Variants in SV2B observed in about 807,000 individuals in gnomAD.
The protein encoded by SV2B is synaptic vesicle glycoprotein 2B.
In SV2B, 41 loss-of-function variants were observed where a neutral mutation model predicts 73.9. The observed-to-expected ratio is 0.56, with a 90% confidence interval of 0.43 to 0.72. SV2B has a LOEUF of 0.72. Among genes scored for constraint, SV2B ranks in the 30% least tolerant of loss-of-function variants. SV2B has a pLI of 0.00. For missense variants in SV2B, 764 were observed against 857.8 expected (o/e 0.89, Z 1.37); for synonymous variants, 314 against 314.2 (o/e 1.00, Z 0.01).
Position 91,232,141 on chromosome 15 carries a change from G to A in SV2B, c.451+5427G>A, listed in dbSNP as rs2046600722. Among the ~76,000 whole-genome samples the A allele has an allele frequency of 2.0e-5, 3 of 152,166 alleles. No individual in the cohort carries two copies. In the South Asian group the frequency reaches 6.2e-4, roughly 32 times the overall value. ...GAGCCACTCTGTGTCTCAGAAGGGG[G>A]TGGCATGGAGGGGGGTCACTTCTGT... On this transcript the variant is annotated intron_variant, in intron 2 of 12. Coordinates refer to ENST00000394232, the MANE Select transcript of SV2B (RefSeq NM_001323032.3). This position sits in a 1 kb window ranked among gnomAD's most constrained non-coding sequence, Gnocchi z 4.7.
Position 91,226,168 on chromosome 15 carries a change from T to C in SV2B, c.-96T>C, listed in dbSNP as rs1395163829. The stretch of plus-strand genomic sequence containing the variant: ...ACATGAACATATTTCACATTTGAAC[T>C]ACATAATGAATGATGGTTATTGAAA... On this transcript the variant is annotated 5_prime_UTR_variant, in exon 2 of 13. Transcript: ENST00000394232. 1.7e-6 allele frequency: 2 copies of C among 1,194,182 alleles called. No individual in the cohort carries two copies. Among genetic ancestry groups the C allele is most frequent in the Non-Finnish European group, 2.4e-6 (2 of 839,022 alleles). 74.0% of individuals were successfully genotyped at this position (1,194,182 alleles called of 1,614,324 possible). A position where few individuals can be genotyped will look rare whatever the true frequency, so the allele number is the denominator to read the frequency against.
At chr15:91,221,705 A>G (rs1223634679) in intron 1 of SV2B, among the ~76,000 whole-genome samples, 4 of 126,982 alleles carry the variant, frequency 3.2e-5, no homozygotes, top group South Asian at 2.4e-4. Flanking sequence ...ACACACACAC[A>G]CACACACACA....
Position 91,223,294 on chromosome 15 carries a change from A to G in SV2B, c.-391-2579A>G, listed in dbSNP as rs2046274733. Among the ~76,000 whole-genome samples the G allele has an allele frequency of 1.3e-5, 2 of 152,314 alleles. No homozygotes were observed. The highest frequency in any genetic ancestry group is 2.1e-4 in the South Asian group (1 of 4,826). ...TTCAACATACCTTCACGCTATAGGG[A>G]CACAATTCAGCCAGTACCATTGAAA... On this transcript the variant is annotated intron_variant, in intron 1 of 12. Coordinates refer to ENST00000394232, the MANE Select transcript of SV2B (RefSeq NM_001323032.3). This position sits in a 1 kb window ranked among gnomAD's most constrained non-coding sequence, Gnocchi z 4.6.
chr15:91,202,868 G>A (rs1213838535), intron 1 of SV2B, among the ~76,000 whole-genome samples: 4 of 152,094 alleles, frequency 2.6e-5, no homozygotes, highest in Admixed American at 6.5e-5. Context: ...CTGGGAAGAG[G>A]TGTGATCTTG....
Position 91,302,248 on chromosome 15 carries a change from G to C in SV2B, c.*9696G>C, listed in dbSNP as rs1423480359. Among the ~76,000 whole-genome samples, 1 of 152,146 alleles carries C rather than the reference G, an allele frequency of 6.6e-6. No homozygotes were observed. Among genetic ancestry groups the C allele is most frequent in the Admixed American group, 6.5e-5 (1 of 15,276 alleles). ...CAAGTGAAGTGTCATATGTAAAAGA[G>C]TTAATTCTCAGATTGATTCAAATGC... is the stretch of plus-strand genomic sequence containing the variant. On this transcript the variant is annotated 3_prime_UTR_variant, in exon 13 of 13. Coordinates refer to ENST00000394232, the MANE Select transcript of SV2B (RefSeq NM_001323032.3).
At chr15:91,246,345 GC>G (rs1299363537) in intron 2 of SV2B, among the ~76,000 whole-genome samples, 1 of 151,944 alleles carries the variant, frequency 6.6e-6, no homozygotes, top group East Asian at 1.9e-4. Context: ...ACAATTTTAA[GC>G]TGTACTGCTA....
At position 91,231,072 on chromosome 15, in the gene SV2B, G is replaced by A. The variant is rs922868728; in HGVS notation, c.451+4358G>A. ...TGGTGGTTGATGAGTGAATCCACAT[G>A]TATTTTAACCTTTCATGGGATAATT... On this transcript the variant is annotated intron_variant, in intron 2 of 12. Transcript: ENST00000394232. The surrounding 1 kb of genome is among the most constrained non-coding windows in gnomAD (Gnocchi z 4.5). Among the ~76,000 whole-genome samples the A allele has an allele frequency of 2.0e-5, 3 of 152,042 alleles. No individual in the cohort carries two copies. Among genetic ancestry groups the A allele is most frequent in the Non-Finnish European group, 2.9e-5 (2 of 68,010 alleles).
chr15:91,123,129 C>T lies in SV2B; in HGVS notation c.-392+22766C>T, dbSNP rs146619570. ...CTACAAAACAAAGTACAAAAATTAG[C>T]TAAGCATGGTGGTGTGCGCTTGTAG... On this transcript the variant is annotated intron_variant, in intron 1 of 12. Coordinates refer to ENST00000394232, the MANE Select transcript of SV2B (RefSeq NM_001323032.3). The surrounding 1 kb of genome is among the most constrained non-coding windows in gnomAD (Gnocchi z 4.7). Among the ~76,000 whole-genome samples, 15 of 152,058 alleles carry T rather than the reference C, an allele frequency of 9.9e-5. No homozygotes were observed. The East Asian group carries it at 2.9e-3, about 29-fold the overall frequency.
Position 91,297,157 on chromosome 15 carries a change from T to C in SV2B, c.*4605T>C, listed in dbSNP as rs979388696. ...AAGCACGCTCCTTCTGCCTTCAGAC[T>C]CCTTGATTTTTAGTGCAGTTTCCAT... is the stretch of plus-strand genomic sequence containing the variant. On this transcript the variant is annotated 3_prime_UTR_variant, in exon 13 of 13. Transcript: ENST00000394232. This position sits in a 1 kb window ranked among gnomAD's most constrained non-coding sequence, Gnocchi z 5.1. The C allele has an allele frequency of 2.6e-5, 4 of 153,742 alleles. No homozygotes were observed. Among genetic ancestry groups the C allele is most frequent in the Non-Finnish European group, 4.3e-5 (3 of 69,050 alleles). 9.5% of individuals were successfully genotyped at this position (153,742 alleles called of 1,614,324 possible).
chr15:91,191,282 T>A (rs895115453), intron 1 of SV2B, among the ~76,000 whole-genome samples: 2 of 152,004 alleles, frequency 1.3e-5, no homozygotes, highest in African/African-American at 4.8e-5. Context: ...TTGATCAAAC[T>A]TTGTACAGGC....
intron 1 of SV2B, among the ~76,000 whole-genome samples, chr15:91,188,283 TTTTATTTATTTATTTATTTATTTATTTA>T (rs200076814): frequency 1.4e-5 from 2 of 144,104 alleles, no homozygotes; most frequent in African/African-American, 5.1e-5. Context: ...TGTTCCTTAT[TTTTATTTATTTATTTATTTATTTATTTA>T]TTTATTTATT....
intron 1 of SV2B, among the ~76,000 whole-genome samples, chr15:91,204,385 A>G (rs550558862): frequency 6.6e-6 from 1 of 152,044 alleles, no homozygotes; most frequent in Non-Finnish European, 1.5e-5. Context: ...CAGTGTAGGA[A>G]CTTCTACTAG....
At chr15:91,263,888 C>G (rs895531045) in intron 6 of SV2B, among the ~76,000 whole-genome samples, 1 of 152,238 alleles carries the variant, frequency 6.6e-6, no homozygotes, top group African/African-American at 2.4e-5. Context: ...TTCTCCCTTT[C>G]GAATAAAACA....
intron 2 of SV2B, among the ~76,000 whole-genome samples, chr15:91,249,433 T>C (rs1402969193): frequency 2.0e-5 from 3 of 152,222 alleles, no homozygotes; most frequent in Non-Finnish European, 4.4e-5. Context: ...CATTTTATTG[T>C]TTATCTCCTT....
chr15:91,191,063 CTTT>C (rs59849012), intron 1 of SV2B, among the ~76,000 whole-genome samples: 19 of 64,236 alleles, frequency 3.0e-4, no homozygotes, highest in African/African-American at 9.3e-4. Flanking sequence ...TTTGGTGTTT[CTTT>C]TTTTTTTTTT....
intron 2 of SV2B, among the ~76,000 whole-genome samples, chr15:91,246,741 C>CCTCCTCCTT (rs2047245936): frequency 1.3e-5 from 2 of 151,740 alleles, no homozygotes; most frequent in Non-Finnish European, 2.9e-5. Context: ...TCCTCCTCCT[C>CCTCCTCCTT]CTCCTCCTTC....
chr15:91,203,446 T>C (rs531274698), intron 1 of SV2B, among the ~76,000 whole-genome samples: 14 of 152,368 alleles, frequency 9.2e-5, no homozygotes, highest in African/African-American at 3.4e-4. Flanking sequence ...TGAAGCATTT[T>C]AAAAAGCATC....
Position 91,290,375 on chromosome 15 carries a change from A to G in SV2B, c.1868+695A>G, listed in dbSNP as rs1045845175. Among the ~76,000 whole-genome samples the G allele has an allele frequency of 8.5e-5, 13 of 152,248 alleles. No individual in the cohort carries two copies. Among genetic ancestry groups the G allele is most frequent in the Non-Finnish European group, 1.8e-4 (12 of 68,046 alleles). On this transcript the variant is annotated intron_variant, in intron 12 of 12. Coordinates refer to ENST00000394232, the MANE Select transcript of SV2B (RefSeq NM_001323032.3). The surrounding 1 kb of genome is among the most constrained non-coding windows in gnomAD (Gnocchi z 4.7). ...GTATTGGGATATAGATAACTAAGGA[A>G]GAGCACAACGTGTCATATTTGGAGC...
In SV2B at chr15:91,289,157, T is replaced by C. The variant is rs1386068121; in HGVS notation, c.1709-364T>C. Among the ~76,000 whole-genome samples the C allele has an allele frequency of 6.6e-6, 1 of 152,208 alleles. No individual in the cohort carries two copies. The highest frequency in any genetic ancestry group is 1.5e-5 in the Non-Finnish European group (1 of 68,046). On this transcript the variant is annotated intron_variant, in intron 11 of 12. Coordinates refer to ENST00000394232, the MANE Select transcript of SV2B (RefSeq NM_001323032.3). This position sits in a 1 kb window ranked among gnomAD's most constrained non-coding sequence, Gnocchi z 4.9. Reference sequence around the variant, plus strand: ...AAGACTGAGGTTTTTGTTTTTGTTTTTTGGCCAATACTGATGTAGCTCAAG... The same window carrying C: ...AAGACTGAGGTTTTTGTTTTTGTTTCTTGGCCAATACTGATGTAGCTCAAG...
Sources: allele counts gnomAD v4.1 joint callset (sites outside exome capture counted in the v4.1 genomes callset), GRCh38; gene constraint gnomAD v4.1.1; non-coding constraint Gnocchi (gnomAD v3.1); transcripts MANE v1.5; gene names NCBI Gene and HGNC (gene_info 2026-07-23, HGNC 2026-07-21).